The following FGD3 variants were observed in gnomAD, a reference collection of about 807,000 sequenced individuals.
FGD3 encodes the protein FYVE, RhoGEF and PH domain containing 3, also known as FYVE, RhoGEF and PH domain-containing protein 3.
In FGD3, 45 loss-of-function variants were observed where a neutral mutation model predicts 71.8. That is an observed-to-expected ratio of 0.63 (90% confidence interval 0.49 to 0.80). The LOEUF (loss-of-function observed/expected upper bound fraction) is 0.80, where lower values mean the gene tolerates loss of function less well. FGD3 is among the 30% of genes least tolerant of loss of function. The pLI is 0.00. For missense variants in FGD3, 844 were observed against 951.5 expected, an observed-to-expected ratio of 0.89 and a Z score of 1.49; for synonymous variants, 378 against 392.8, an observed-to-expected ratio of 0.96 and a Z score of 0.44.
chr9:92,970,277 A>T (rs1384198458), intron 1 of FGD3, among the ~76,000 whole-genome samples: 1 of 152,224 alleles, frequency 6.6e-6, no homozygotes, highest in African/African-American at 2.4e-5. Flanking sequence ...ATGGGTGTGC[A>T]TGGGTGTACT....
intron 11 of FGD3, among the ~76,000 whole-genome samples, chr9:93,018,941 G>A (rs1365688989): frequency 6.6e-6 from 1 of 152,046 alleles, no homozygotes; most frequent in Non-Finnish European, 1.5e-5. Context: ...CACCTCCCAG[G>A]TTCAAGTGAT....
intron 1 of FGD3, among the ~76,000 whole-genome samples, chr9:92,961,074 C>A (rs1287837349): frequency 6.6e-6 from 1 of 152,164 alleles, no homozygotes; most frequent in East Asian, 1.9e-4. Flanking sequence ...CTCTCTCCAT[C>A]CTGGCCTCTG....
Position 93,029,018 on chromosome 9 carries a change from T to G in FGD3, c.1558-856T>G, listed in dbSNP as rs1001616226. ...CAGTTTTTTTTTTTTTTTTTTTTTT[T>G]TTTTTTTTTTTTTTTTTTTGAGACA... is the stretch of plus-strand genomic sequence containing the variant. On this transcript the variant is annotated intron_variant, in intron 14 of 17. Transcript: ENST00000375482. 1.5e-3 allele frequency among the ~76,000 whole-genome samples: 190 copies of G among 129,410 alleles called. 2 individuals are homozygous for G. The highest frequency in any genetic ancestry group is 5.2e-3 in the African/African-American group (179 of 34,180). 84.9% of individuals were successfully genotyped at this position (129,410 alleles called of 152,430 possible). A position where few individuals can be genotyped will look rare whatever the true frequency, so the allele number is the denominator to read the frequency against.
intron 6 of FGD3, among the ~76,000 whole-genome samples, chr9:93,008,025 C>G (rs913989511): frequency 6.6e-6 from 1 of 152,160 alleles, no homozygotes; most frequent in Non-Finnish European, 1.5e-5. Flanking sequence ...TTCCTTTAAT[C>G]AAAGGATATT....
At chr9:93,009,279 C>A (rs1164769906) in intron 6 of FGD3, among the ~76,000 whole-genome samples, 2 of 151,362 alleles carry the variant, frequency 1.3e-5, no homozygotes, top group East Asian at 1.9e-4. Context: ...AAAAAAGTTT[C>A]TTGTAGGGAG....
In FGD3 at chr9:93,035,627, A is replaced by T. The variant is rs755694444; in HGVS notation, c.*38A>T. On this transcript the variant is annotated 3_prime_UTR_variant, in exon 18 of 18. Transcript: ENST00000375482. ...ACTGCCCTGCACACCACCACATTGG[A>T]CCTGTGCTGTCCTGGGAGGTGGTGT... 6.4e-7 allele frequency: 1 copy of T among 1,552,084 alleles called. No homozygotes were observed. The highest frequency in any genetic ancestry group is 1.2e-5 in the South Asian group (1 of 84,300).
At chr9:92,971,896 A>G (rs1859548433) in intron 1 of FGD3, among the ~76,000 whole-genome samples, 2 of 151,702 alleles carry the variant, frequency 1.3e-5, no homozygotes, top group African/African-American at 4.8e-5. Flanking sequence ...AACATCCCAC[A>G]AAGCTCTTGT....
At chr9:92,996,870 C>A (rs58450751) in intron 3 of FGD3, among the ~76,000 whole-genome samples, 8,061 of 152,110 alleles carry the variant, frequency 0.053, 282 homozygotes, top group East Asian at 0.14. Context: ...GTTCTTTTAC[C>A]TTTGCTGAAG....
At chr9:92,985,635 T>C (rs1276394508) in intron 3 of FGD3, among the ~76,000 whole-genome samples, 1 of 151,876 alleles carries the variant, frequency 6.6e-6, no homozygotes, top group African/African-American at 2.4e-5. Flanking sequence ...TCAGCCATCA[T>C]TCCTGGCTAA....
chr9:92,995,668 A>G (rs1860610858), intron 3 of FGD3, among the ~76,000 whole-genome samples: 3 of 152,154 alleles, frequency 2.0e-5, no homozygotes, highest in Admixed American at 2.0e-4. Flanking sequence ...TAGTTTATCA[A>G]GAGTTTTTAG....
intron 8 of FGD3, among the ~76,000 whole-genome samples, chr9:93,013,647 G>A (rs187572925): frequency 2.8e-4 from 43 of 152,258 alleles, no homozygotes; most frequent in East Asian, 5.8e-4. Context: ...CCTGTTTATC[G>A]TTGTTTTTAT....
intron 1 of FGD3, among the ~76,000 whole-genome samples, chr9:92,966,463 T>C (rs1859330311): frequency 6.6e-6 from 1 of 152,204 alleles, no homozygotes; most frequent in Non-Finnish European, 1.5e-5. Context: ...AAGCAAGTAT[T>C]GAACCCCTAA....
rs758450858 is a variant in FGD3, at chr9:93,018,128, C to G, written c.1276-8C>G. On this transcript the variant is annotated splice_region_variant and splice_polypyrimidine_tract_variant and intron_variant, in intron 10 of 17. Transcript: ENST00000375482. ...GGTTTGCTTTGTTCTTTGTTCTTGC[C>G]CCTTCAGGTGCAGGATATCGTCAAG... 2 of 1,613,694 alleles carry G rather than the reference C, an allele frequency of 1.2e-6. No individual in the cohort carries two copies. The highest frequency in any genetic ancestry group is 1.7e-6 in the Non-Finnish European group (2 of 1,179,736).
chr9:93,014,290 A>C (rs185155755), intron 9 of FGD3, among the ~76,000 whole-genome samples: 1 of 152,288 alleles, frequency 6.6e-6, no homozygotes, highest in East Asian at 1.9e-4. Flanking sequence ...AGAACTGAGC[A>C]GACTTCAGCT....
At chr9:93,002,200 C>T (rs1394762878) in intron 3 of FGD3, among the ~76,000 whole-genome samples, 1 of 152,200 alleles carries the variant, frequency 6.6e-6, no homozygotes, top group Non-Finnish European at 1.5e-5. Flanking sequence ...CTCATAACAT[C>T]CCTGTGATGT....
intron 15 of FGD3, 146 bp from the exon 16 acceptor site, chr9:93,032,623 G>C (rs1026043733): frequency 5.2e-6 from 4 of 774,256 alleles, no homozygotes; most frequent in Non-Finnish European, 8.8e-6. Context: ...CCCTCAAGGA[G>C]AAGCTCTTAT....
chr9:92,985,878 G>C (rs1380447426), intron 3 of FGD3, among the ~76,000 whole-genome samples: 5 of 152,302 alleles, frequency 3.3e-5, no homozygotes, highest in Non-Finnish European at 7.3e-5. Flanking sequence ...TTACCCATCT[G>C]TGAAGAAAGA....
intron 9 of FGD3, among the ~76,000 whole-genome samples, chr9:93,014,969 C>T (rs1273953692): frequency 6.8e-6 from 1 of 146,014 alleles, no homozygotes; most frequent in Non-Finnish European, 1.5e-5. Flanking sequence ...CCCACCCCCC[C>T]AGTTCCCTTG....
At chr9:93,009,994 G>A (rs527585410) in intron 6 of FGD3, among the ~76,000 whole-genome samples, 178 of 152,344 alleles carry the variant, frequency 1.2e-3, no homozygotes, top group Admixed American at 2.0e-3. Flanking sequence ...CCGAGGATGC[G>A]TATAAGAGAG....
Sources: gnomAD v4.1 joint callset for allele counts (sites outside exome capture counted in the v4.1 genomes callset) on GRCh38, gnomAD v4.1.1 for gene constraint, MANE v1.5 for transcripts, NCBI Gene and HGNC (gene_info 2026-07-23, HGNC 2026-07-21) for gene names.